Variants in WNT5A observed in about 807,000 individuals in gnomAD.
WNT5A encodes the protein protein Wnt-5a.
Under a neutral mutation model 42.1 loss-of-function variants are expected in WNT5A, and 9 were observed. The observed-to-expected ratio is 0.21, with a 90% confidence interval of 0.13 to 0.37. The LOEUF (loss-of-function observed/expected upper bound fraction) is 0.37. WNT5A is among the 10% of genes least tolerant of loss of function. The pLI is 1.00. For missense variants in WNT5A, 426 were observed against 534.0 expected, an observed-to-expected ratio of 0.80 and a Z score of 1.99; for synonymous variants, 210 against 210.0, an observed-to-expected ratio of 1.00 and a Z score of 0.00.
chr3:55,504,615 C>T, the WNT5A span, among the ~76,000 whole-genome samples: 1,433 of 152,214 alleles, frequency 9.4e-3, 17 homozygotes, highest in Admixed American at 0.035. Flanking sequence ...CAGGCATGCA[C>T]CACCATACCC....
At chr3:55,473,484 A>G (rs1406578026) in intron 4 of WNT5A, among the ~76,000 whole-genome samples, 1 of 152,226 alleles carries the variant, frequency 6.6e-6, no homozygotes, top group Non-Finnish European at 1.5e-5. Context: ...GGTCTTTTTA[A>G]CTATTGAGAA....
At position 55,466,222 on chromosome 3, in the gene WNT5A, T is replaced by C. The variant is rs1044634217; in HGVS notation, c.*3870A>G. The C allele has an allele frequency of 6.6e-6, 1 of 152,122 alleles. No homozygotes were observed. Among genetic ancestry groups the C allele is most frequent in the Non-Finnish European group, 1.5e-5 (1 of 68,026 alleles). The allele number at this position is 152,122 out of a possible 1,614,324, so 9.4% of individuals were successfully genotyped here. On this transcript the variant is annotated 3_prime_UTR_variant, in exon 5 of 5. Transcript: ENST00000264634. ...TTAAAAGTATAGCTTACAGTGACAA[T>C]GTAGTATTTTAGACCTGTGCCTTCG...
chr3:55,478,317 T>TA (rs1446696079), intron 3 of WNT5A, among the ~76,000 whole-genome samples: 2 of 152,234 alleles, frequency 1.3e-5, no homozygotes, highest in Non-Finnish European at 2.9e-5. Context: ...TTTTTTTTAA[T>TA]AAAAAATGCA....
At chr3:55,497,647 T>C in the WNT5A span, among the ~76,000 whole-genome samples, 1 of 152,222 alleles carries the variant, frequency 6.6e-6, no homozygotes, top group African/African-American at 2.4e-5. Flanking sequence ...ATATTAGTAA[T>C]GCATATTAAT....
At chr3:55,503,164 G>C in the WNT5A span, among the ~76,000 whole-genome samples, 1 of 152,226 alleles carries the variant, frequency 6.6e-6, no homozygotes, top group Admixed American at 6.5e-5. Flanking sequence ...CGTGGTCAAG[G>C]AAAACCCTGA....
upstream of WNT5A, among the ~76,000 whole-genome samples, chr3:55,493,202 C>T (rs2051680783): frequency 6.6e-6 from 1 of 152,182 alleles, no homozygotes. Flanking sequence ...GCTGTCTCTC[C>T]CCAGTGCTGC....
chr3:55,485,676 CA>C (rs1462405182), intron 1 of WNT5A, among the ~76,000 whole-genome samples: 1 of 152,052 alleles, frequency 6.6e-6, no homozygotes, highest in African/African-American at 2.4e-5. Context: ...GGGGGGAGGG[CA>C]GGGGCTGAGG....
rs1210354977 is a variant in WNT5A at position 55,466,189 on chromosome 3, T to A, written c.*3903A>T. The A allele has an allele frequency of 3.3e-5, 5 of 152,168 alleles. No individual in the cohort carries two copies. The highest frequency in any genetic ancestry group is 6.5e-5 in the Admixed American group (1 of 15,274). 9.4% of individuals were successfully genotyped at this position (152,168 alleles called of 1,614,324 possible). A position where few individuals can be genotyped will look rare whatever the true frequency, so the allele number is the denominator to read the frequency against. ...AGACTAGAAAATACTTTAAAAAAAA[T>A]AAATATTTTAAAAGTATAGCTTACA... On this transcript the variant is annotated 3_prime_UTR_variant, in exon 5 of 5. Coordinates refer to ENST00000264634, the MANE Select transcript of WNT5A (RefSeq NM_003392.7).
At chr3:55,504,290 AAAAAGAAAGAAAG>A in the WNT5A span, among the ~76,000 whole-genome samples, 8 of 151,982 alleles carry the variant, frequency 5.3e-5, no homozygotes, top group African/African-American at 1.9e-4. Flanking sequence ...AATAAAATAA[AAAAAGAAAGAAAG>A]AAAAGAAAGA....
Position 55,466,993 on chromosome 3 carries a change from G to C in WNT5A, c.*3099C>G, listed in dbSNP as rs530646927. 6 of 152,292 alleles carry C rather than the reference G, an allele frequency of 3.9e-5. 1 individual carries two copies. The highest frequency in any genetic ancestry group is 3.9e-4 in the Admixed American group (6 of 15,294). 9.4% of individuals were successfully genotyped at this position (152,292 alleles called of 1,614,324 possible). A position where few individuals can be genotyped will look rare whatever the true frequency, so the allele number is the denominator to read the frequency against. On this transcript the variant is annotated 3_prime_UTR_variant, in exon 5 of 5. Coordinates refer to ENST00000264634, the MANE Select transcript of WNT5A (RefSeq NM_003392.7). ...TCTGTGGAGCACTGTCCAGATTTCC[G>C]TGTACATTTTTGAAAAGCACAATAA... is the stretch of plus-strand genomic sequence containing the variant.
chr3:55,497,464 A>T, the WNT5A span: 1 of 152,228 alleles, frequency 6.6e-6, no homozygotes, highest in African/African-American at 2.4e-5. Flanking sequence ...CAGATGAGGC[A>T]CTTTGGACTC....
chr3:55,488,765 C>A (rs944696866), upstream of WNT5A, among the ~76,000 whole-genome samples: 1 of 152,210 alleles, frequency 6.6e-6, no homozygotes, highest in Admixed American at 6.5e-5. Flanking sequence ...TGAACCCCAA[C>A]TTCCCCGCCT....
chr3:55,499,315 A>G, the WNT5A span, among the ~76,000 whole-genome samples: 1 of 152,178 alleles, frequency 6.6e-6, no homozygotes, highest in Admixed American at 6.5e-5. Context: ...ATGTGTGAGT[A>G]AAGCAAGCGG....
chr3:55,471,048 G>A (rs527623662), intron 4 of WNT5A, among the ~76,000 whole-genome samples: 2 of 152,298 alleles, frequency 1.3e-5, no homozygotes, highest in East Asian at 3.9e-4. Context: ...CCAAGCCCGT[G>A]CTTAGTGACT....
At position 55,470,214 on chromosome 3, in the gene WNT5A, C is replaced by T. The variant is rs1370251695; in HGVS notation, c.1021G>A (p.Gly341Ser). The change falls in exon 5 of 5, where the codon GGC (glycine) becomes AGC (serine). Residue 341 changes from glycine (G) to serine (S), a missense_variant. By Grantham distance (56) the Gly-to-Ser change is moderately conservative (BLOSUM62 0). Transcript: ENST00000264634. ...GMDGCELMCCGRGYDQFKTVQ... is the reference protein window; with the variant it reads ...GMDGCELMCCSRGYDQFKTVQ... ...GTCTTGAACTGGTCGTAGCCACGGC[C>T]GCAGCACATGAGCTCGCAGCCATCC... 2.5e-6 allele frequency: 4 copies of T among 1,614,064 alleles called. No homozygotes were observed. The highest frequency in any genetic ancestry group is 1.1e-5 in the South Asian group (1 of 91,082).
At position 55,468,727 on chromosome 3, in the gene WNT5A, T is replaced by C. The variant is rs1279235660; in HGVS notation, c.*1365A>G. On this transcript the variant is annotated 3_prime_UTR_variant, in exon 5 of 5. Coordinates refer to ENST00000264634, the MANE Select transcript of WNT5A (RefSeq NM_003392.7). The stretch of plus-strand genomic sequence containing the variant: ...TAAACCACATTTCCCCCCTTATAAA[T>C]GCAACTGTTCAAGTACACTGGGAAC... 3 of 152,332 alleles carry C rather than the reference T, an allele frequency of 2.0e-5. No individual in the cohort carries two copies. In the East Asian group the frequency reaches 5.8e-4, roughly 29 times the overall value. 9.4% of individuals were successfully genotyped at this position (152,332 alleles called of 1,614,324 possible).
rs1329249133 is a variant in WNT5A, at chr3:55,474,622, G to A, written c.399C>T (p.Arg133=). The part of the protein sequence containing the change: ...VFGRVMQIGS[R]ETAFTYAVSA... ...TCACCGCGTATGTGAAGGCCGTCTC[G>A]CGGCTGCCTGTGGGTGAGGACAAGG... The change falls in exon 4 of 5, where the codon CGC becomes CGT. Residue 133 remains arginine, a synonymous_variant. Coordinates refer to ENST00000264634, the MANE Select transcript of WNT5A (RefSeq NM_003392.7). 3 of 1,426,706 alleles carry A rather than the reference G, an allele frequency of 2.1e-6. No homozygotes were observed. Among genetic ancestry groups the A allele is most frequent in the African/African-American group, 3.0e-5 (2 of 66,158 alleles). 88.4% of individuals were successfully genotyped at this position (1,426,706 alleles called of 1,614,324 possible).
At chr3:55,489,449 A>C (rs1411357142), upstream of WNT5A, among the ~76,000 whole-genome samples, 2 of 145,776 alleles carry the variant, frequency 1.4e-5, no homozygotes, top group African/African-American at 2.6e-5. Context: ...CCACCCCCAC[A>C]CCCCAGAGGG....
the WNT5A span, chr3:55,501,673 G>C: frequency 5.9e-5 from 9 of 152,206 alleles, no homozygotes; most frequent in African/African-American, 2.2e-4. Flanking sequence ...AGTAGGTAAA[G>C]TTGTATAATC....
Sources: allele counts gnomAD v4.1 joint callset (sites outside exome capture counted in the v4.1 genomes callset), GRCh38; gene constraint gnomAD v4.1.1; transcripts MANE v1.5; gene names NCBI Gene and HGNC (gene_info 2026-07-23, HGNC 2026-07-21).